The following SMYD5 variants were observed in gnomAD, a reference collection of about 807,000 sequenced individuals.
SMYD5 encodes the protein protein-lysine N-trimethyltransferase SMYD5.
Under a neutral mutation model 57.4 loss-of-function variants are expected in SMYD5, and 35 were observed. The observed-to-expected ratio is 0.61, with a 90% CI of 0.47 to 0.81. The LOEUF is 0.81. Ranked by LOEUF, SMYD5 falls within the 30% of genes least tolerant of loss-of-function variation. SMYD5 has a pLI of 0.00. For synonymous variants in SMYD5, 198 were observed against 189.7 expected (o/e 1.04, Z -0.36); for missense variants, 471 against 527.9 (o/e 0.89, Z 1.06).
chr2:73,223,020 T>C lies in SMYD5; in HGVS notation c.706-16T>C. On this transcript the variant is annotated splice_polypyrimidine_tract_variant and intron_variant, in intron 7 of 12. Transcript: ENST00000389501. ...AGTGGCTGTAATGAGCACTCATCTC[T>C]TTTTTCCCCCCACAGTGGTTCACTC... The C allele has an allele frequency of 6.2e-7, 1 of 1,609,512 alleles. No homozygotes were observed. Among genetic ancestry groups the C allele is most frequent in the Non-Finnish European group, 8.5e-7 (1 of 1,175,862 alleles).
At chr2:73,219,250 A>G (rs1301742969) in intron 2 of SMYD5, among the ~76,000 whole-genome samples, 1 of 152,208 alleles carries the variant, frequency 6.6e-6, no homozygotes, top group Non-Finnish European at 1.5e-5. Context: ...CTGAAGGCCC[A>G]GTGCCAAAGT....
chr2:73,218,228 G>A (rs1400086591), intron 1 of SMYD5, among the ~76,000 whole-genome samples: 1 of 152,256 alleles, frequency 6.6e-6, no homozygotes, highest in Non-Finnish European at 1.5e-5. Context: ...GGAAACAGAT[G>A]TAAAGTGAAG....
intron 1 of SMYD5, chr2:73,214,633 G>A (rs1686258076): frequency 2.0e-6 from 3 of 1,503,260 alleles, no homozygotes; most frequent in Non-Finnish European, 2.7e-6. Context: ...GGCTGCTCGG[G>A]GCGGGGCTAG....
intron 5 of SMYD5, 41 bp from the exon 6 acceptor site, chr2:73,221,785 G>GGTGGGTATCTGTGACCCTTAAGTAT: frequency 1.4e-6 from 2 of 1,391,640 alleles, no homozygotes; most frequent in Non-Finnish European, 2.0e-6. Context: ...CCAGTGAGAA[G>GGTGGGTATCTGTGACCCTTAAGTAT]GTGGGTATCT....
intron 11 of SMYD5, chr2:73,225,219 TTGGTCAAATGCAGA>T (rs1373176994): frequency 2.0e-6 from 1 of 493,930 alleles, no homozygotes; most frequent in Non-Finnish European, 3.6e-6. Flanking sequence ...CAGCTATCTT[TTGGTCAAATGCAGA>T]TATGTAATTT....
intron 2 of SMYD5, among the ~76,000 whole-genome samples, chr2:73,219,519 T>A (rs562333412): frequency 3.9e-5 from 6 of 152,290 alleles, no homozygotes; most frequent in Non-Finnish European, 8.8e-5. Flanking sequence ...GTAGCTGGGA[T>A]TACAGGCACA....
chr2:73,220,302 C>G (rs1686360515), intron 3 of SMYD5, 112 bp downstream of exon 3: 1 of 1,173,340 alleles, frequency 8.5e-7, no homozygotes, highest in Non-Finnish European at 1.2e-6. Context: ...CCCTTGAAAA[C>G]TACAATGTAG....
At position 73,214,857 on chromosome 2, in the gene SMYD5, A is replaced by G; in HGVS notation, c.96+495A>G. 3.1e-6 allele frequency: 4 copies of G among 1,270,216 alleles called. No homozygotes were observed. In the South Asian group the frequency reaches 5.1e-5, roughly 16 times the overall value. 78.7% of individuals were successfully genotyped at this position (1,270,216 alleles called of 1,614,324 possible). On this transcript the variant is annotated intron_variant, in intron 1 of 12. Coordinates refer to ENST00000389501, the MANE Select transcript of SMYD5 (RefSeq NM_006062.3). ...TGGGGGCATTGGGAGAGTTTTTAGC[A>G]GGAAGGTGACGTGATTTTGTCGTTT...
In SMYD5 at chr2:73,226,896, G is replaced by A. The variant is rs1686518279; in HGVS notation, c.*950G>A. ...ATTGAAGTCTTCCAGAAACCTCGAG[G>A]AGCTGGGCTAGATACTTCGAGAGTA... On this transcript the variant is annotated 3_prime_UTR_variant, in exon 13 of 13. Transcript: ENST00000389501. The A allele has an allele frequency of 6.5e-6, 1 of 152,674 alleles. No homozygotes were observed. Among genetic ancestry groups the A allele is most frequent in the Non-Finnish European group, 1.5e-5 (1 of 68,094 alleles). The allele number at this position is 152,674 out of a possible 1,614,324, so 9.5% of individuals were successfully genotyped here.
chr2:73,216,579 C>T (rs1374580040), intron 1 of SMYD5, among the ~76,000 whole-genome samples: 1 of 152,086 alleles, frequency 6.6e-6, no homozygotes, highest in Admixed American at 6.5e-5. Flanking sequence ...CACCTGTAAT[C>T]CCAGCTACCT....
chr2:73,217,091 A>G (rs1056122212), intron 1 of SMYD5, among the ~76,000 whole-genome samples: 3 of 152,008 alleles, frequency 2.0e-5, no homozygotes, highest in Non-Finnish European at 4.4e-5. Flanking sequence ...AGCTGGGACT[A>G]CAGGTGAACA....
intron 9 of SMYD5, 81 bp downstream of exon 9, chr2:73,223,613 G>T (rs545231646): frequency 3.0e-6 from 3 of 1,010,222 alleles, no homozygotes; most frequent in Non-Finnish European, 4.7e-6. Flanking sequence ...TTTCCCCAGG[G>T]TGCTCTGAAT....
chr2:73,226,185 A>G lies in SMYD5; in HGVS notation c.*239A>G, dbSNP rs1277067673. ...CTGCACTGGCACTGAGCCTTTCACA[A>G]CTGGCCTCCCCTTGAGGTTCCTCCA... On this transcript the variant is annotated 3_prime_UTR_variant, in exon 13 of 13. Coordinates refer to ENST00000389501, the MANE Select transcript of SMYD5 (RefSeq NM_006062.3). The G allele has an allele frequency of 3.6e-6, 2 of 553,650 alleles. No homozygotes were observed. Among genetic ancestry groups the G allele is most frequent in the Non-Finnish European group, 6.3e-6 (2 of 317,112 alleles). 34.3% of individuals were successfully genotyped at this position (553,650 alleles called of 1,614,324 possible).
chr2:73,219,816 A>G (rs1046071053), intron 2 of SMYD5: 5 of 608,742 alleles, frequency 8.2e-6, no homozygotes, highest in South Asian at 1.8e-5. Flanking sequence ...AAGTTAGACA[A>G]TAAGGGCCAG....
Position 73,214,375 on chromosome 2 carries a change from C to G in SMYD5, c.96+13C>G. 6.2e-7 allele frequency: 1 copy of G among 1,612,754 alleles called. No homozygotes were observed. Among genetic ancestry groups the G allele is most frequent in the Non-Finnish European group, 8.5e-7 (1 of 1,179,466 alleles). On this transcript the variant is annotated intron_variant, in intron 1 of 12. Coordinates refer to ENST00000389501, the MANE Select transcript of SMYD5 (RefSeq NM_006062.3). ...GAGCAGCGCCAAGGTGAGGTCGGGG[C>G]GGGTCCTGCCGGGAGCCTCTCCCCA...
intron 1 of SMYD5, 92 bp downstream of exon 1, chr2:73,214,454 C>G: frequency 6.3e-7 from 1 of 1,590,176 alleles, no homozygotes; most frequent in East Asian, 2.2e-5. Context: ...CCAGAGGCTT[C>G]TGTGCCGCTC....
chr2:73,221,998 G>C, intron 6 of SMYD5, 68 bp downstream of exon 6: 1 of 983,142 alleles, frequency 1.0e-6, no homozygotes, highest in Non-Finnish European at 1.6e-6. Context: ...GGCCAGCTGT[G>C]GGGAGCACCA....
intron 3 of SMYD5, 60 bp from the exon 4 acceptor site, chr2:73,220,601 G>A: frequency 1.9e-6 from 3 of 1,596,740 alleles, no homozygotes; most frequent in Non-Finnish European, 2.6e-6. Context: ...AAGGAATGCA[G>A]TTAGAGGAGG....
At chr2:73,218,357 G>A (rs1229890182) in intron 1 of SMYD5, among the ~76,000 whole-genome samples, 2 of 152,164 alleles carry the variant, frequency 1.3e-5, no homozygotes, top group African/African-American at 4.8e-5. Flanking sequence ...AGGTGCTGTG[G>A]GTATTCAGCT....
Sources: allele counts gnomAD v4.1 joint callset (sites outside exome capture counted in the v4.1 genomes callset), GRCh38; gene constraint gnomAD v4.1.1; transcripts MANE v1.5; gene names NCBI Gene and HGNC (gene_info 2026-07-23, HGNC 2026-07-21).